Variants in BRF1 observed in about 807,000 individuals in gnomAD.
BRF1 encodes BRF1 general transcription factor IIIB subunit.
A neutral mutation model predicts 81.7 loss-of-function variants in BRF1; 59 were observed. The ratio of observed to expected loss-of-function variants is 0.72; its 90% CI spans 0.59 to 0.90. The LOEUF (loss-of-function observed/expected upper bound fraction) is 0.90, where lower values mean the gene tolerates loss of function less well. Among genes scored for constraint, BRF1 ranks in the 40% least tolerant of loss-of-function variants. The probability of loss-of-function intolerance (pLI) is 0.00; values close to 1 mark genes in which losing one functional copy is unlikely to be tolerated. For synonymous variants in BRF1, 491 were observed against 395.6 expected, an observed-to-expected ratio of 1.24 and a Z score of -2.86; for missense variants, 1,050 against 936.3, an observed-to-expected ratio of 1.12 and a Z score of -1.58.
chr14:105,283,720 A>C lies in BRF1; in HGVS notation c.265+2576T>G, dbSNP rs587702666. Among the ~76,000 whole-genome samples, 408 of 152,374 alleles carry C rather than the reference A, an allele frequency of 2.7e-3. 1 individual carries two copies. The highest frequency in any genetic ancestry group is 6.8e-3 in the Middle Eastern group (2 of 294). On this transcript the variant is annotated intron_variant, in intron 2 of 17. Coordinates refer to ENST00000547530, the MANE Select transcript of BRF1 (RefSeq NM_001519.4). ...ACTCTTTGCAATTTGTATAGGTCTGAGGCACGACCAACTCTAGTAAAGATA... is the reference window on the plus strand; with the variant it reads ...ACTCTTTGCAATTTGTATAGGTCTGCGGCACGACCAACTCTAGTAAAGATA...
chr14:105,282,385 A>C (rs1239531707), intron 2 of BRF1, among the ~76,000 whole-genome samples: 2 of 152,190 alleles, frequency 1.3e-5, no homozygotes, highest in African/African-American at 4.8e-5. Context: ...CCATCTTTGC[A>C]GTTTTCTAAG....
At position 105,289,927 on chromosome 14, in the gene BRF1, C is replaced by T. The variant is rs1211600765; in HGVS notation, c.185-3551G>A. Among the ~76,000 whole-genome samples, 5 of 152,140 alleles carry T rather than the reference C, an allele frequency of 3.3e-5. No individual in the cohort carries two copies. In the East Asian group the frequency reaches 5.8e-4, roughly 18 times the overall value. ...CTGGGATTACAGGCGTGAGCCACCA[C>T]GCCCCGCCTGTTTTTTCTAAGCGTT... On this transcript the variant is annotated intron_variant, in intron 1 of 17. Transcript: ENST00000547530.
At chr14:105,280,805 A>G (rs1382678084) in intron 2 of BRF1, among the ~76,000 whole-genome samples, 2 of 127,626 alleles carry the variant, frequency 1.6e-5, no homozygotes, top group African/African-American at 3.0e-5. Context: ...TGGAGGCTGC[A>G]TAATCTTGAG....
chr14:105,219,963 G>A, intron 12 of BRF1, 106 bp downstream of exon 12: 2 of 1,267,886 alleles, frequency 1.6e-6, no homozygotes, highest in East Asian at 2.4e-5. Context: ...AGCGGGGTGG[G>A]CTCTGGGCAG....
chr14:105,226,850 T>C, intron 7 of BRF1, 90 bp from the exon 8 acceptor site: 1 of 1,586,768 alleles, frequency 6.3e-7, no homozygotes, highest in Non-Finnish European at 8.5e-7. Context: ...GGCTCATGCC[T>C]GTGATCCCAG....
chr14:105,228,998 C>T, intron 6 of BRF1, 85 bp from the exon 7 acceptor site: 5 of 1,248,998 alleles, frequency 4.0e-6, no homozygotes, highest in Non-Finnish European at 2.3e-6. Context: ...ACTGCGGATC[C>T]CGGTCACGGA....
chr14:105,287,501 G>A (rs1439212709), intron 1 of BRF1, among the ~76,000 whole-genome samples: 1 of 138,016 alleles, frequency 7.2e-6, no homozygotes, highest in Non-Finnish European at 1.6e-5. Context: ...GGAGGCTGCT[G>A]CAATCGGGAC....
chr14:105,249,210 G>A (rs777351259), intron 5 of BRF1: 1 of 1,588,018 alleles, frequency 6.3e-7, no homozygotes, highest in East Asian at 2.3e-5. Flanking sequence ...TTCGTCGTGG[G>A]GCCCCCGGGG....
At chr14:105,308,479 GTC>G (rs1216095994) in intron 1 of BRF1, among the ~76,000 whole-genome samples, 2 of 140,420 alleles carry the variant, frequency 1.4e-5, no homozygotes, top group Non-Finnish European at 3.0e-5. Flanking sequence ...GGCAGATTCT[GTC>G]TTTTTTTTTT....
rs1491146474 is a variant in BRF1, at chr14:105,309,737, T to TAGATTAG, written c.-162+5578_-162+5584dup. 6.6e-5 allele frequency among the ~76,000 whole-genome samples: 10 copies of TAGATTAG among 151,378 alleles called. No homozygotes were observed. The highest frequency in any genetic ancestry group is 2.9e-5 in the Non-Finnish European group (2 of 67,932). ...CACGACCTTAGGTCTGTATTAGGTC[T>TAGATTAG]AGATTAGCCTGCATTAAGGAGAAGG... On this transcript the variant is annotated intron_variant, in intron 1 of 17. Coordinates refer to the BRF1 transcript ENST00000327359. This position sits in a 1 kb window ranked among gnomAD's most constrained non-coding sequence, Gnocchi z 4.0.
rs1415235108 is a variant in BRF1 at position 105,211,271 on chromosome 14, G to A, written c.1847C>T (p.Thr616Ile). Residue 616 changes from threonine to isoleucine, a missense_variant, in exon 17 of 18, where the codon ACC (threonine) becomes ATC (isoleucine). By Grantham distance (89) the Thr-to-Ile change is moderately conservative. Coordinates refer to ENST00000547530, the MANE Select transcript of BRF1 (RefSeq NM_001519.4). ...GGGCCTGGCAGGCTCAGCTCCGAGG[G>A]TGGGAGAGCTTGGGAGCAAAGCCTG... Reference protein sequence around the residue: ...TGEALLPSSPTLGAEPARPQA... With the variant: ...TGEALLPSSPILGAEPARPQA... 6.2e-7 allele frequency: 1 copy of A among 1,603,150 alleles called. No homozygotes were observed. The highest frequency in any genetic ancestry group is 8.5e-7 in the Non-Finnish European group (1 of 1,174,716).
intron 4 of BRF1, 107 bp downstream of exon 4, chr14:105,256,411 C>T (rs1381582718): frequency 7.4e-6 from 12 of 1,612,362 alleles, no homozygotes; most frequent in Non-Finnish European, 9.3e-6. Context: ...ACAGACCGGC[C>T]ACTGAGATGC....
intron 7 of BRF1, chr14:105,227,072 C>T (rs141238905): frequency 0.019 from 6,107 of 313,256 alleles, 94 homozygotes; most frequent in Middle Eastern, 0.026. Flanking sequence ...GCTGTGATAG[C>T]GCCACTGGCC....
rs1213117521 is a variant in BRF1, at chr14:105,228,897, G to A, written c.711C>T (p.Ala237=). Residue 237 remains alanine, a synonymous_variant, in exon 7 of 18, where the codon GCC becomes GCT. Coordinates refer to ENST00000547530, the MANE Select transcript of BRF1 (RefSeq NM_001519.4). ...CAGTCCTCCTGAAGTCATGCATTCT[G>A]GCTGCAACCAGGAGCGCTGGAAGGC... is the stretch of plus-strand genomic sequence containing the variant. The part of the protein sequence containing the change: ...GLCGAALLVA[A]RMHDFRRTVK... 5 of 1,613,578 alleles carry A rather than the reference G, an allele frequency of 3.1e-6. No individual in the cohort carries two copies. The highest frequency in any genetic ancestry group is 1.3e-5 in the African/African-American group (1 of 74,946).
chr14:105,241,932 G>A, intron 5 of BRF1: 1 of 179,672 alleles, frequency 5.6e-6, no homozygotes, highest in East Asian at 1.5e-4. Context: ...GTGCACCTCT[G>A]CCAGCACGGC....
At chr14:105,241,020 T>C (rs986220329) in intron 6 of BRF1, among the ~76,000 whole-genome samples, 1 of 151,914 alleles carries the variant, frequency 6.6e-6, no homozygotes, top group Non-Finnish European at 1.5e-5. Context: ...CAACCTGGGG[T>C]CAAGGCCGCT....
At chr14:105,279,248 G>C (rs1190967030) in intron 2 of BRF1, among the ~76,000 whole-genome samples, 1 of 152,092 alleles carries the variant, frequency 6.6e-6, no homozygotes, top group Non-Finnish European at 1.5e-5. Context: ...TTCGTCAAAA[G>C]ACAACATTAA....
rs1269661645 is a variant in BRF1, at chr14:105,269,006, C to G, written c.439+3715G>C. On this transcript the variant is annotated intron_variant, in intron 3 of 17. Coordinates refer to ENST00000547530, the MANE Select transcript of BRF1 (RefSeq NM_001519.4). The surrounding 1 kb of genome is among the most constrained non-coding windows in gnomAD (Gnocchi z 5.0). ...GAGCCCAGCCAGCCAGCTGGGGCTG[C>G]AGGAGGCGAGGACAGTGGCCAGAGC... is the stretch of plus-strand genomic sequence containing the variant. Among the ~76,000 whole-genome samples, 1 of 152,148 alleles carries G rather than the reference C, an allele frequency of 6.6e-6. No individual in the cohort carries two copies. Among genetic ancestry groups the G allele is most frequent in the Non-Finnish European group, 1.5e-5 (1 of 68,024 alleles).
At chr14:105,226,335 T>A in intron 8 of BRF1, 45 bp from the exon 9 acceptor site, 1 of 1,613,200 alleles carries the variant, frequency 6.2e-7, no homozygotes, top group East Asian at 2.2e-5. Context: ...GAGGCCCTGG[T>A]GCACAGCGCA....
Sources: allele counts gnomAD v4.1 joint callset (sites outside exome capture counted in the v4.1 genomes callset), GRCh38; gene constraint gnomAD v4.1.1; non-coding constraint Gnocchi (gnomAD v3.1); transcripts MANE v1.5; gene names NCBI Gene and HGNC (gene_info 2026-07-23, HGNC 2026-07-21).